The following PPM1H variants were observed in gnomAD, a reference collection of about 807,000 sequenced individuals.
PPM1H encodes the protein protein phosphatase, Mg2+/Mn2+ dependent 1H.
Under a neutral mutation model 54.9 loss-of-function variants are expected in PPM1H, and 27 were observed. The ratio of observed to expected loss-of-function variants is 0.49; its 90% CI spans 0.36 to 0.68. The LOEUF is 0.68. PPM1H is among the 30% of genes least tolerant of loss of function. The pLI, the probability that PPM1H is intolerant of heterozygous loss-of-function variation, is 0.00. For missense variants in PPM1H, 596 were observed against 667.8 expected (o/e 0.89, Z 1.19); for synonymous variants, 305 against 270.8 (o/e 1.13, Z -1.24).
intron 2 of PPM1H, among the ~76,000 whole-genome samples, chr12:62,808,968 A>C (rs1263037586): frequency 6.6e-6 from 1 of 152,210 alleles, no homozygotes; most frequent in Non-Finnish European, 1.5e-5. Flanking sequence ...GAGGCCAGAG[A>C]GGGCTACATG....
chr12:62,807,222 A>G (rs929138783), intron 2 of PPM1H, among the ~76,000 whole-genome samples: 2 of 152,240 alleles, frequency 1.3e-5, no homozygotes, highest in Non-Finnish European at 2.9e-5. Context: ...TGGCTTTAGC[A>G]TAAGTGTAAC....
intron 1 of PPM1H, among the ~76,000 whole-genome samples, chr12:62,883,212 G>T (rs941503949): frequency 6.6e-6 from 1 of 152,138 alleles, no homozygotes; most frequent in Admixed American, 6.5e-5. Context: ...ACATACAAGG[G>T]ATGGGGAGAA....
At chr12:62,780,883 C>A (rs1202246481) in intron 4 of PPM1H, among the ~76,000 whole-genome samples, 1 of 152,222 alleles carries the variant, frequency 6.6e-6, no homozygotes, top group Non-Finnish European at 1.5e-5. Flanking sequence ...AGCAGCCAGG[C>A]ATAGAAAAGG....
intron 7 of PPM1H, among the ~76,000 whole-genome samples, chr12:62,690,567 A>G (rs1174151584): frequency 6.6e-6 from 1 of 152,196 alleles, no homozygotes; most frequent in Non-Finnish European, 1.5e-5. Context: ...GTCAGCTTAA[A>G]TATCTCCTGT....
intron 1 of PPM1H, among the ~76,000 whole-genome samples, chr12:62,835,932 TA>T: frequency 6.6e-6 from 1 of 152,328 alleles, no homozygotes; most frequent in Admixed American, 6.5e-5. Flanking sequence ...TTTAATTTTA[TA>T]AAAAGTAATT....
chr12:62,653,091 T>C (rs1412074251), intron 9 of PPM1H, among the ~76,000 whole-genome samples: 1 of 152,230 alleles, frequency 6.6e-6, no homozygotes, highest in African/African-American at 2.4e-5. Context: ...TTTTGAGAAG[T>C]CTGTCTTTTA....
chr12:62,813,541 T>C (rs562010209), intron 2 of PPM1H, among the ~76,000 whole-genome samples: 9 of 152,376 alleles, frequency 5.9e-5, no homozygotes, highest in Admixed American at 5.9e-4. Context: ...ATTATACTAC[T>C]AAATTTTAAA....
chr12:62,718,222 C>T (rs143797138), intron 6 of PPM1H, among the ~76,000 whole-genome samples: 93 of 152,334 alleles, frequency 6.1e-4, no homozygotes, highest in African/African-American at 2.2e-3. Context: ...TTTAAATAGG[C>T]AACTGGTGCT....
In PPM1H at chr12:62,760,227, G is replaced by A. The variant is rs569917964; in HGVS notation, c.870-22641C>T. On this transcript the variant is annotated intron_variant, in intron 4 of 9. Coordinates refer to ENST00000228705, the MANE Select transcript of PPM1H (RefSeq NM_020700.2). ...TCGAAAAATGGGCAAATGGTCTGAG[G>A]TGCCTGACGTCCAGGCATTCTTTTA... is the stretch of plus-strand genomic sequence containing the variant. Among the ~76,000 whole-genome samples the A allele has an allele frequency of 2.2e-4, 33 of 152,232 alleles. No homozygotes were observed. The South Asian group carries it at 5.6e-3, about 26-fold the overall frequency.
At chr12:62,883,119 T>C (rs1013419900) in intron 1 of PPM1H, among the ~76,000 whole-genome samples, 1 of 152,166 alleles carries the variant, frequency 6.6e-6, no homozygotes, top group African/African-American at 2.4e-5. Flanking sequence ...TAGCCCTGAA[T>C]CTGGTATTAC....
chr12:62,654,484 A>G (rs1277063839), intron 9 of PPM1H, among the ~76,000 whole-genome samples: 1 of 152,228 alleles, frequency 6.6e-6, no homozygotes, highest in African/African-American at 2.4e-5. Context: ...GGGAAGAATC[A>G]GGGGAGAAGA....
rs34587900 is a variant in PPM1H, at chr12:62,878,626, T to TAAAAAA, written c.246-46353_246-46348dup. Reference sequence around the variant, plus strand: ...TTTTGTTTGAAACAATGATTACGCTTAAAAAAAAAAAAAAAAAAAAAAAAA... The same window carrying TAAAAAA: ...TTTTGTTTGAAACAATGATTACGCTTAAAAAAAAAAAAAAAAAAAAAAAAAAAAAAA... On this transcript the variant is annotated intron_variant, in intron 1 of 9. Transcript: ENST00000228705. 2.5e-4 allele frequency among the ~76,000 whole-genome samples: 20 copies of TAAAAAA among 81,562 alleles called. 2 individuals are homozygous for TAAAAAA. The highest frequency in any genetic ancestry group is 3.5e-4 in the African/African-American group (7 of 19,720). 53.5% of individuals were successfully genotyped at this position (81,562 alleles called of 152,430 possible).
At chr12:62,793,930 T>C (rs1158340065) in intron 3 of PPM1H, among the ~76,000 whole-genome samples, 4 of 152,118 alleles carry the variant, frequency 2.6e-5, no homozygotes, top group Non-Finnish European at 4.4e-5. Flanking sequence ...GAAAGCAATA[T>C]CTGGTAGCAG....
chr12:62,781,150 T>A (rs114816614), intron 4 of PPM1H, among the ~76,000 whole-genome samples: 328 of 152,278 alleles, frequency 2.2e-3, no homozygotes, highest in African/African-American at 7.7e-3. Context: ...TAGGATAGGA[T>A]GCTTCACAGC....
intron 6 of PPM1H, among the ~76,000 whole-genome samples, chr12:62,700,240 T>A (rs115878104): frequency 6.6e-6 from 1 of 152,182 alleles, no homozygotes; most frequent in Admixed American, 6.5e-5. Flanking sequence ...GCTGACCTTC[T>A]TCTCTGTTCC....
chr12:62,820,474 C>G lies in PPM1H; in HGVS notation c.411+11640G>C, dbSNP rs772357253. Among the ~76,000 whole-genome samples the G allele has an allele frequency of 3.2e-4, 49 of 152,232 alleles. 1 individual carries two copies. The highest frequency in any genetic ancestry group is 1.2e-3 in the African/African-American group (48 of 41,476). The stretch of plus-strand genomic sequence containing the variant: ...GGTCCCTGAACCCCGAGTAGCCTAA[C>G]TGGGAGGCACCTCCCATTAGGGGCC... On this transcript the variant is annotated intron_variant, in intron 2 of 9. Transcript: ENST00000228705.
At chr12:62,817,868 A>C (rs2076880193) in intron 2 of PPM1H, among the ~76,000 whole-genome samples, 1 of 152,136 alleles carries the variant, frequency 6.6e-6, no homozygotes, top group African/African-American at 2.4e-5. Context: ...TGAGAAAGAT[A>C]ATCAGCTTTC....
At chr12:62,903,326 A>T (rs1453093743) in intron 1 of PPM1H, among the ~76,000 whole-genome samples, 1 of 152,184 alleles carries the variant, frequency 6.6e-6, no homozygotes. Flanking sequence ...CTCTAAAAGG[A>T]GAACACAGAG....
Position 62,892,736 on chromosome 12 carries a change from T to C in PPM1H, c.245+41756A>G, listed in dbSNP as rs77308601. 2.7e-4 allele frequency among the ~76,000 whole-genome samples: 41 copies of C among 152,338 alleles called. No homozygotes were observed. The East Asian group carries it at 7.7e-3, about 29-fold the overall frequency. ...ACAATGACTTATCATTGCCATCTAG[T>C]CAATGGTGATAAGATGCTATCAACA... is the stretch of plus-strand genomic sequence containing the variant. On this transcript the variant is annotated intron_variant, in intron 1 of 9. Coordinates refer to ENST00000228705, the MANE Select transcript of PPM1H (RefSeq NM_020700.2).
Sources: allele counts gnomAD v4.1 joint callset (sites outside exome capture counted in the v4.1 genomes callset), GRCh38; gene constraint gnomAD v4.1.1; transcripts MANE v1.5; gene names NCBI Gene and HGNC (gene_info 2026-07-23, HGNC 2026-07-21).